CWC27: variants seen among roughly 807,000 people sequenced by gnomAD.
CWC27 encodes CWC27 spliceosome associated cyclophilin.
CWC27 carries 47 observed loss-of-function variants against 63.6 expected under a neutral mutation model. The ratio of observed to expected loss-of-function variants is 0.74; its 90% CI spans 0.58 to 0.94. CWC27 has a LOEUF of 0.94. CWC27 is among the 40% of genes least tolerant of loss of function. The probability of loss-of-function intolerance (pLI) is 0.00; values close to 1 mark genes in which losing one functional copy is unlikely to be tolerated. For missense variants in CWC27, 495 were observed against 554.3 expected (o/e 0.89, Z 1.07); for synonymous variants, 175 against 179.8 (o/e 0.97, Z 0.22).
chr5:64,999,238 CT>C (rs1484444161), intron 13 of CWC27, among the ~76,000 whole-genome samples: 3 of 152,014 alleles, frequency 2.0e-5, no homozygotes, highest in African/African-American at 7.2e-5. Context: ...CTCCCCCTCC[CT>C]TTTTTGTTGA....
chr5:64,781,106 A>G (rs985724909), intron 2 of CWC27, among the ~76,000 whole-genome samples: 9 of 152,072 alleles, frequency 5.9e-5, no homozygotes, highest in Non-Finnish European at 5.9e-5. Flanking sequence ...GAAGTATCCT[A>G]ATGATTTTAG....
At chr5:65,015,801 A>G (rs530684617) in intron 13 of CWC27, among the ~76,000 whole-genome samples, 24 of 152,312 alleles carry the variant, frequency 1.6e-4, no homozygotes, top group South Asian at 1.0e-3. Context: ...CAAATCTTAC[A>G]TAGTGTTTTG....
intron 13 of CWC27, among the ~76,000 whole-genome samples, chr5:64,981,906 AT>A: frequency 6.6e-6 from 1 of 152,294 alleles, no homozygotes; most frequent in East Asian, 1.9e-4. Context: ...CGATAACCCT[AT>A]GGGTTAAAAC....
In CWC27 at chr5:64,885,480, G is replaced by A. The variant is rs756982511; in HGVS notation, c.976G>A (p.Glu326Lys). Residue 326 changes from glutamate to lysine, a missense_variant, in exon 11 of 14, where the codon GAA (glutamate) becomes AAA (lysine). Physicochemically the swap from Glu to Lys is moderately conservative, Grantham distance 56 (BLOSUM62 1). This residue lies in a region of CWC27 where 463 missense variants were observed against 498.1 expected (regional missense o/e 0.93). Coordinates refer to ENST00000381070, the MANE Select transcript of CWC27 (RefSeq NM_005869.4). The stretch of plus-strand genomic sequence containing the variant: ...AAAAGAAGCAAGACAATTAAAACGG[G>A]AACTCTTAGCAGCAAAACAAAAAAA... The part of the protein sequence containing the change: ...LRKEARQLKR[E>K]LLAAKQKKVE... 1.9e-6 allele frequency: 3 copies of A among 1,609,418 alleles called. No homozygotes were observed. The highest frequency in any genetic ancestry group is 1.1e-5 in the South Asian group (1 of 89,902).
At chr5:64,829,065 T>TA in intron 10 of CWC27, among the ~76,000 whole-genome samples, 1 of 152,330 alleles carries the variant, frequency 6.6e-6, no homozygotes, top group South Asian at 2.1e-4. Context: ...ATGTGATTTT[T>TA]AAAATTTCTG....
At chr5:65,004,905 T>TATACAC (rs1554030581) in intron 13 of CWC27, among the ~76,000 whole-genome samples, 1 of 63,548 alleles carries the variant, frequency 1.6e-5, no homozygotes. Flanking sequence ...TATATATATA[T>TATACAC]ACATACACAC....
intron 11 of CWC27, among the ~76,000 whole-genome samples, chr5:64,904,431 G>C (rs1747575385): frequency 6.6e-6 from 1 of 152,238 alleles, no homozygotes; most frequent in African/African-American, 2.4e-5. Context: ...GATTTAAGTA[G>C]AGAATCTACT....
chr5:65,018,217 C>T lies in CWC27; in HGVS notation c.1315C>T (p.Gln439Ter), dbSNP rs2112479113. ...CAGAAAAGTGAAAGATGCAAGCATG[C>T]AAGACTCAGATACATTTGAAATCTA... The part of the protein sequence containing the change: ...KSRKVKDASM[Q>*]DSDTFEIYDP... Residue 439 changes from glutamine to a stop codon, truncating the protein, a stop_gained, in exon 14 of 14, where the codon CAA becomes TAA. Transcript: ENST00000381070. LOFTEE classifies it high-confidence loss of function. The T allele has an allele frequency of 6.2e-7, 1 of 1,607,704 alleles. No individual in the cohort carries two copies. The highest frequency in any genetic ancestry group is 8.5e-7 in the Non-Finnish European group (1 of 1,177,598).
At chr5:64,785,074 A>G (rs1317336826) in intron 4 of CWC27, among the ~76,000 whole-genome samples, 1 of 152,144 alleles carries the variant, frequency 6.6e-6, no homozygotes, top group Non-Finnish European at 1.5e-5. Context: ...ATTAGTTCCT[A>G]CTTTTAGGTT....
intron 11 of CWC27, among the ~76,000 whole-genome samples, chr5:64,903,768 T>C (rs1366186950): frequency 1.3e-5 from 2 of 151,996 alleles, no homozygotes; most frequent in African/African-American, 4.8e-5. Context: ...AAGCATAGAG[T>C]TCCCACATAC....
rs1369217560 is a variant in CWC27, at chr5:64,990,776, A to G, written c.1256+13538A>G. 2.6e-5 allele frequency among the ~76,000 whole-genome samples: 4 copies of G among 152,240 alleles called. No homozygotes were observed. The South Asian group carries it at 6.2e-4, about 24-fold the overall frequency. On this transcript the variant is annotated intron_variant, in intron 13 of 13. Transcript: ENST00000381070. Reference sequence around the variant, plus strand: ...TCCCTAAGATGTCATTTAAACATGTAGAGCCCATGGCAAGTAATTATTAAT... The same window carrying G: ...TCCCTAAGATGTCATTTAAACATGTGGAGCCCATGGCAAGTAATTATTAAT...
chr5:64,896,671 A>G (rs1747383861), intron 11 of CWC27, among the ~76,000 whole-genome samples: 1 of 151,672 alleles, frequency 6.6e-6, no homozygotes, highest in Admixed American at 6.6e-5. Flanking sequence ...AAAAGATGGA[A>G]TTAGGAAAAA....
At chr5:64,950,514 A>G (rs562122088) in intron 11 of CWC27, among the ~76,000 whole-genome samples, 1 of 152,130 alleles carries the variant, frequency 6.6e-6, no homozygotes, top group African/African-American at 2.4e-5. Context: ...GTTACCAAAT[A>G]CGGATTTCAG....
intron 11 of CWC27, among the ~76,000 whole-genome samples, chr5:64,928,708 A>G (rs1193602129): frequency 6.6e-6 from 1 of 152,202 alleles, no homozygotes; most frequent in Non-Finnish European, 1.5e-5. Context: ...GGAGGCAATG[A>G]TACCTGAGTT....
At chr5:64,862,959 C>G (rs1746447865) in intron 10 of CWC27, among the ~76,000 whole-genome samples, 1 of 152,072 alleles carries the variant, frequency 6.6e-6, no homozygotes, top group Non-Finnish European at 1.5e-5. Context: ...GCATTAAACC[C>G]ATTTGTGAGG....
chr5:64,955,758 ACAGT>A (rs1442089328), intron 11 of CWC27, among the ~76,000 whole-genome samples: 9 of 152,328 alleles, frequency 5.9e-5, no homozygotes, highest in Admixed American at 2.0e-4. Flanking sequence ...AGAGTGAAAC[ACAGT>A]CAGAAACAAC....
At chr5:64,965,953 C>T (rs559573021) in intron 11 of CWC27, among the ~76,000 whole-genome samples, 3 of 152,192 alleles carry the variant, frequency 2.0e-5, no homozygotes, top group African/African-American at 7.2e-5. Context: ...ATTTGAACTA[C>T]GTGCCTGTGT....
chr5:64,844,279 G>A (rs1372791861), intron 10 of CWC27, among the ~76,000 whole-genome samples: 1 of 152,182 alleles, frequency 6.6e-6, no homozygotes, highest in Non-Finnish European at 1.5e-5. Context: ...AGAAATAAAG[G>A]AGGCAGAGGT....
At chr5:64,834,137 A>G (rs1044406589) in intron 10 of CWC27, among the ~76,000 whole-genome samples, 3 of 148,808 alleles carry the variant, frequency 2.0e-5, no homozygotes, top group African/African-American at 7.5e-5. Flanking sequence ...ATATTCAAAT[A>G]CATTCTAAAG....
Sources: allele counts gnomAD v4.1 joint callset (sites outside exome capture counted in the v4.1 genomes callset), GRCh38; gene constraint gnomAD v4.1.1; regional missense constraint gnomAD v4.1.1; transcripts MANE v1.5; gene names NCBI Gene and HGNC (gene_info 2026-07-23, HGNC 2026-07-21).